The following CALN1 variants were observed in gnomAD, a reference collection of about 807,000 sequenced individuals.
The protein encoded by CALN1 is calcium-binding protein 8.
CALN1 carries 17 observed loss-of-function variants against 30.6 expected under a neutral mutation model. The ratio of observed to expected loss-of-function variants is 0.56; its 90% CI spans 0.38 to 0.83. The LOEUF (loss-of-function observed/expected upper bound fraction) is 0.83, where lower values mean the gene tolerates loss of function less well. Among genes scored for constraint, CALN1 ranks in the 40% least tolerant of loss-of-function variants. The pLI is 0.00. For missense variants in CALN1, 291 were observed against 354.9 expected, an observed-to-expected ratio of 0.82 and a Z score of 1.45; for synonymous variants, 156 against 131.4, an observed-to-expected ratio of 1.19 and a Z score of -1.28.
intron 5 of CALN1, among the ~76,000 whole-genome samples, chr7:71,925,565 T>G (rs1435656579): frequency 6.6e-6 from 1 of 151,932 alleles, no homozygotes; most frequent in Non-Finnish European, 1.5e-5. Context: ...ATATTTTCCT[T>G]TAATTTTAAA....
chr7:72,247,501 C>G (rs1256856397), intron 3 of CALN1, among the ~76,000 whole-genome samples: 1 of 151,762 alleles, frequency 6.6e-6, no homozygotes, highest in Non-Finnish European at 1.5e-5. Flanking sequence ...GTGATCTGCC[C>G]GCCTCAGCCT....
intron 5 of CALN1, among the ~76,000 whole-genome samples, chr7:71,890,796 AGTGCAGTG>A (rs1401353502): frequency 7.7e-6 from 1 of 129,042 alleles, no homozygotes; most frequent in Non-Finnish European, 1.5e-5. Context: ...CCCAGACTGG[AGTGCAGTG>A]GTGCAGTTAT....
In CALN1 at chr7:72,129,644, A is replaced by C. The variant is rs554374097; in HGVS notation, c.245-23350T>G. Among the ~76,000 whole-genome samples, 16 of 152,292 alleles carry C rather than the reference A, an allele frequency of 1.1e-4. No homozygotes were observed. In the East Asian group the frequency reaches 3.1e-3, roughly 29 times the overall value. On this transcript the variant is annotated intron_variant, in intron 3 of 6. Coordinates refer to ENST00000395275, the MANE Select transcript of CALN1 (RefSeq NM_031468.4). ...TTTGCTCTCAAATAATATAGGAAGA[A>C]GGAGGGTTGGTAGCTAGGAGTGTAA... is the stretch of plus-strand genomic sequence containing the variant.
At chr7:72,225,298 C>G (rs1321581964) in intron 3 of CALN1, among the ~76,000 whole-genome samples, 1 of 151,978 alleles carries the variant, frequency 6.6e-6, no homozygotes, top group Non-Finnish European at 1.5e-5. Flanking sequence ...CACACCTTAG[C>G]AGGGTGTCCT....
intron 3 of CALN1, among the ~76,000 whole-genome samples, chr7:72,180,310 G>T (rs1416025118): frequency 6.6e-6 from 1 of 152,136 alleles, no homozygotes; most frequent in East Asian, 1.9e-4. Flanking sequence ...ACCTAGATAT[G>T]CCAACTATAG....
chr7:71,815,332 A>G (rs1788198530), intron 5 of CALN1, among the ~76,000 whole-genome samples: 1 of 152,130 alleles, frequency 6.6e-6, no homozygotes, highest in Admixed American at 6.5e-5. Context: ...TTGCCTGTTG[A>G]TGTCACAAGC....
At chr7:72,264,518 G>T (rs1211763421) in intron 3 of CALN1, among the ~76,000 whole-genome samples, 1 of 150,344 alleles carries the variant, frequency 6.7e-6, no homozygotes, top group African/African-American at 2.4e-5. Context: ...TTTTGAGACA[G>T]GGTCTCGCTC....
At chr7:72,052,141 T>C (rs1423289402) in intron 4 of CALN1, among the ~76,000 whole-genome samples, 1 of 152,194 alleles carries the variant, frequency 6.6e-6, no homozygotes, top group East Asian at 1.9e-4. Context: ...AATGACTCCA[T>C]CGTAATTCTG....
At chr7:72,356,142 G>C (rs964043693) in intron 2 of CALN1, among the ~76,000 whole-genome samples, 1 of 152,142 alleles carries the variant, frequency 6.6e-6, no homozygotes, top group Non-Finnish European at 1.5e-5. Flanking sequence ...TAATTTAAAA[G>C]TTAAAGATTG....
chr7:72,473,014 C>T, the CALN1 span, among the ~76,000 whole-genome samples: 2 of 152,256 alleles, frequency 1.3e-5, no homozygotes, highest in African/African-American at 4.8e-5. Flanking sequence ...CCTTCCTGTA[C>T]CATCTCCTGG....
chr7:72,454,261 G>A, the CALN1 span, among the ~76,000 whole-genome samples: 2 of 152,196 alleles, frequency 1.3e-5, no homozygotes, highest in African/African-American at 2.4e-5. Flanking sequence ...TGGAGAAGCT[G>A]CCCTAGGCTA....
At chr7:71,922,559 T>A (rs898641834) in intron 5 of CALN1, among the ~76,000 whole-genome samples, 7 of 122,516 alleles carry the variant, frequency 5.7e-5, no homozygotes, top group Admixed American at 1.7e-4. Flanking sequence ...AACACACAGA[T>A]TATATATAAA....
intron 6 of CALN1, among the ~76,000 whole-genome samples, chr7:71,789,396 G>A (rs942313399): frequency 1.3e-5 from 2 of 151,930 alleles, no homozygotes; most frequent in African/African-American, 2.4e-5. Context: ...CAGCCTGGGA[G>A]ACAGAGCGAG....
chr7:71,802,855 T>C (rs2116086665), intron 6 of CALN1, among the ~76,000 whole-genome samples: 1 of 152,152 alleles, frequency 6.6e-6, no homozygotes, highest in African/African-American at 2.4e-5. Context: ...AAACCTTGTC[T>C]GTACTAAAAA....
intron 2 of CALN1, among the ~76,000 whole-genome samples, chr7:72,315,392 G>A (rs1024553491): frequency 1.2e-4 from 18 of 152,088 alleles, no homozygotes; most frequent in African/African-American, 4.3e-4. Flanking sequence ...AAACGTATGT[G>A]CTCACTTATA....
intron 3 of CALN1, among the ~76,000 whole-genome samples, chr7:72,145,907 G>C (rs1216345997): frequency 3.9e-5 from 6 of 152,322 alleles, no homozygotes; most frequent in African/African-American, 7.2e-5. Context: ...AAAGGCCTTT[G>C]ACAAAATTCA....
At chr7:72,362,655 G>A (rs1315968373) in intron 2 of CALN1, among the ~76,000 whole-genome samples, 1 of 152,034 alleles carries the variant, frequency 6.6e-6, no homozygotes, top group Non-Finnish European at 1.5e-5. Flanking sequence ...CACACAGCTG[G>A]CTGTCATTCT....
At chr7:72,026,684 G>A (rs952340171) in intron 4 of CALN1, among the ~76,000 whole-genome samples, 1 of 152,006 alleles carries the variant, frequency 6.6e-6, no homozygotes, top group Non-Finnish European at 1.5e-5. Flanking sequence ...CCAAAGTGCT[G>A]GGATTACAGG....
chr7:71,793,860 T>TA (rs770110734), intron 6 of CALN1, among the ~76,000 whole-genome samples: 21 of 138,600 alleles, frequency 1.5e-4, no homozygotes, highest in East Asian at 3.3e-4. Context: ...CAAGACTGTC[T>TA]AAAAAAACCA....
Sources: gnomAD v4.1 joint callset for allele counts (sites outside exome capture counted in the v4.1 genomes callset) on GRCh38, gnomAD v4.1.1 for gene constraint, MANE v1.5 for transcripts, NCBI Gene and HGNC (gene_info 2026-07-23, HGNC 2026-07-21) for gene names.